SMG1: variants seen among roughly 807,000 people sequenced by gnomAD.
SMG1 encodes SMG1 nonsense mediated mRNA decay associated PI3K related kinase, also known as serine/threonine-protein kinase SMG1.
Under a neutral mutation model 419.9 loss-of-function variants are expected in SMG1, and 22 were observed. The observed-to-expected ratio is 0.05, with a 90% confidence interval of 0.04 to 0.07. SMG1 has a LOEUF of 0.07. SMG1 is among the 10% of genes least tolerant of loss of function. SMG1 has a pLI of 1.00. For synonymous variants in SMG1, 1,538 were observed against 1,553.5 expected, an observed-to-expected ratio of 0.99 and a Z score of 0.23; for missense variants, 3,185 against 4,342.0, an observed-to-expected ratio of 0.73 and a Z score of 7.49.
Position 18,809,447 on chromosome 16 carries a change from C to A in SMG1, c.*122G>T. 1 of 727,180 alleles carries A rather than the reference C, an allele frequency of 1.4e-6. No homozygotes were observed. 45.0% of individuals were successfully genotyped at this position (727,180 alleles called of 1,614,324 possible). A position where few individuals can be genotyped will look rare whatever the true frequency, so the allele number is the denominator to read the frequency against. Reference sequence around the variant, plus strand: ...TAGTGCACCGAGATTTCCTAGGTTTCCTCAGAGTAAGCCCCCAGTTGCATC... The same window carrying A: ...TAGTGCACCGAGATTTCCTAGGTTTACTCAGAGTAAGCCCCCAGTTGCATC... On this transcript the variant is annotated 3_prime_UTR_variant, in exon 63 of 63. Transcript: ENST00000446231.
At chr16:18,812,166 C>T (rs2031472351) in intron 60 of SMG1, 39 bp from the exon 61 acceptor site, 1 of 1,589,510 alleles carries the variant, frequency 6.3e-7, no homozygotes, top group South Asian at 1.2e-5. Context: ...TACATGTAAA[C>T]AGAACATGGA....
chr16:18,868,921 GA>G (rs895845355), intron 20 of SMG1, among the ~76,000 whole-genome samples, 182 bp downstream of exon 20: 16 of 148,966 alleles, frequency 1.1e-4, no homozygotes, highest in South Asian at 2.1e-4. Context: ...AAGTTTTGGG[GA>G]AAAAAAAACA....
chr16:18,882,619 TG>T (rs915034093), intron 9 of SMG1, among the ~76,000 whole-genome samples: 1 of 152,216 alleles, frequency 6.6e-6, no homozygotes, highest in Non-Finnish European at 1.5e-5. Flanking sequence ...CTAGCACATA[TG>T]CTCTAGTTAT....
At chr16:18,884,267 GT>G (rs1280943581) in intron 8 of SMG1, 100 bp from the exon 9 acceptor site, 7 of 557,150 alleles carry the variant, frequency 1.3e-5, no homozygotes, top group Non-Finnish European at 1.9e-5. Context: ...GAGGTATCTG[GT>G]TTTCAAGCAG....
Position 18,815,999 on chromosome 16 carries a change from A to C in SMG1, c.10302+303T>G, listed in dbSNP as rs189353897. 1.4e-4 allele frequency: 66 copies of C among 462,430 alleles called. No homozygotes were observed. The East Asian group carries it at 2.7e-3, about 19-fold the overall frequency. The allele number at this position is 462,430 out of a possible 1,614,324, so 28.6% of individuals were successfully genotyped here. ...GGGTTTGTTGGTATAGCTAAGAAAG[A>C]GAAAGACAAGCTGGATATCTGAATG... On this transcript the variant is annotated intron_variant, in intron 58 of 62. Transcript: ENST00000446231.
At chr16:18,828,350 A>T (rs904821) in intron 54 of SMG1, among the ~76,000 whole-genome samples, 182 bp from the exon 55 acceptor site, 91,534 of 152,066 alleles carry the variant, frequency 0.6, 28,829 homozygotes, top group African/African-American at 0.79. Flanking sequence ...CAGGTGAAAG[A>T]CTTCTTGAGG....
chr16:18,814,980 G>A (rs970700675), intron 60 of SMG1, among the ~76,000 whole-genome samples, 195 bp downstream of exon 60: 2 of 150,530 alleles, frequency 1.3e-5, no homozygotes, highest in African/African-American at 4.9e-5. Context: ...TGGCCTTCAA[G>A]TAGCTGAGAT....
At position 18,848,018 on chromosome 16, in the gene SMG1, G is replaced by C; in HGVS notation, c.5639C>G (p.Thr1880Ser). Residue 1880 changes from threonine to serine, a missense_variant, in exon 37 of 63, where the codon ACT becomes AGT. Thr to Ser is a moderately conservative substitution (Grantham distance 58). Transcript: ENST00000446231. ...ESQASGNKFS[T>S]AIPTLLGNIQ... ...ATTGCCAAGTAAAGTTGGAATTGCAGTGGAAAATTTATTTCCTGTAATGAA... is the reference window on the plus strand; with the variant it reads ...ATTGCCAAGTAAAGTTGGAATTGCACTGGAAAATTTATTTCCTGTAATGAA... 6.2e-7 allele frequency: 1 copy of C among 1,613,626 alleles called. No individual in the cohort carries two copies. Among genetic ancestry groups the C allele is most frequent in the Non-Finnish European group, 8.5e-7 (1 of 1,179,670 alleles).
intron 42 of SMG1, 76 bp from the exon 43 acceptor site, chr16:18,838,765 A>C: frequency 2.1e-6 from 2 of 939,032 alleles, no homozygotes. Context: ...TGATACTATA[A>C]AATTTACAAA....
intron 60 of SMG1, 95 bp from the exon 61 acceptor site, chr16:18,812,222 C>A (rs1040245866): frequency 1.1e-4 from 132 of 1,166,076 alleles, no homozygotes; most frequent in Non-Finnish European, 1.4e-4. Flanking sequence ...GTGGTTGATA[C>A]CCCAATTAAA....
chr16:18,850,684 G>A (rs1043201278), intron 33 of SMG1, among the ~76,000 whole-genome samples: 1 of 152,120 alleles, frequency 6.6e-6, no homozygotes, highest in African/African-American at 2.4e-5. Context: ...ATTTAGCAAA[G>A]ACTAGACTTT....
rs2032730881 is a variant in SMG1, at chr16:18,827,015, C to T, written c.9741+1016G>A. Among the ~76,000 whole-genome samples, 2 of 39,672 alleles carry T rather than the reference C, an allele frequency of 5.0e-5. 1 individual carries two copies. The highest frequency in any genetic ancestry group is 1.5e-3 in the South Asian group (2 of 1,322). 26.0% of individuals were successfully genotyped at this position (39,672 alleles called of 152,430 possible). On this transcript the variant is annotated intron_variant, in intron 55 of 62. Transcript: ENST00000446231. ...GCGTAATATTCGGGTGGGAGTGACCCGATTTTCCAGGTACGTCCGTCACCC... is the reference window on the plus strand; with the variant it reads ...GCGTAATATTCGGGTGGGAGTGACCTGATTTTCCAGGTACGTCCGTCACCC...
chr16:18,853,521 T>G (rs976341327), intron 31 of SMG1, 62 bp downstream of exon 31: 70 of 1,391,604 alleles, frequency 5.0e-5, no homozygotes, highest in Middle Eastern at 2.5e-4. Flanking sequence ...ATTATAAACT[T>G]TAAAACAGAA....
chr16:18,815,532 G>A lies in SMG1; in HGVS notation c.10422C>T (p.Val3474=). ...GACTTCGAACCTGACCCATAGCCTG[G>A]ACTAATGTAAATAGAACTGTTTGAA... ...DNIQTVLFTL[V]QAMGQVRSQE... Residue 3474 remains valine, a synonymous_variant, in exon 59 of 63, where the codon GTC becomes GTT. Coordinates refer to ENST00000446231, the MANE Select transcript of SMG1 (RefSeq NM_015092.5). 4 of 1,613,900 alleles carry A rather than the reference G, an allele frequency of 2.5e-6. No homozygotes were observed. Among genetic ancestry groups the A allele is most frequent in the Non-Finnish European group, 3.4e-6 (4 of 1,179,856 alleles).
chr16:18,902,980 C>A (rs1197080724), intron 1 of SMG1, among the ~76,000 whole-genome samples: 1 of 152,014 alleles, frequency 6.6e-6, no homozygotes, highest in Admixed American at 6.6e-5. Flanking sequence ...CCACGCCCAG[C>A]AACTTTTGTA....
chr16:18,924,776 T>G (rs1254771989), intron 1 of SMG1: 1 of 152,220 alleles, frequency 6.6e-6, no homozygotes, highest in Admixed American at 6.5e-5. Context: ...GCATATTAAA[T>G]AGACTAAGAT....
Position 18,837,368 on chromosome 16 carries a change from T to A in SMG1, c.7489A>T (p.Ser2497Cys). Reference sequence around the variant, plus strand: ...ACATCTGTCAGTTGCTCTTGCAAGCTTAGGTATTCATCTAAGCTACCGTCC... The same window carrying A: ...ACATCTGTCAGTTGCTCTTGCAAGCATAGGTATTCATCTAAGCTACCGTCC... Reference protein sequence around the residue: ...KLDGSLDEYLSLQEQLTDVEK... With the variant: ...KLDGSLDEYLCLQEQLTDVEK... Residue 2497 changes from serine (S) to cysteine (C), a missense_variant, in exon 46 of 63, where the codon AGC becomes TGC. Transcript: ENST00000446231. The A allele has an allele frequency of 6.2e-7, 1 of 1,614,018 alleles. No individual in the cohort carries two copies. The highest frequency in any genetic ancestry group is 8.5e-7 in the Non-Finnish European group (1 of 1,179,882).
chr16:18,907,572 G>A (rs1395150928), intron 1 of SMG1, among the ~76,000 whole-genome samples: 3 of 151,744 alleles, frequency 2.0e-5, no homozygotes, highest in African/African-American at 4.8e-5. Context: ...CTGCTTCGCT[G>A]GGCACAGTGG....
In SMG1 at chr16:18,849,326, G is replaced by A. The variant is rs1202271083; in HGVS notation, c.5514C>T (p.Arg1838=). The stretch of plus-strand genomic sequence containing the variant: ...GGCAGAGAAGGTTACAAATACTTTG[G>A]CGCACATACACTTCAGGGTGGTTTA... The part of the protein sequence containing the change: ...SRLNHPEVYV[R]QSICNLLCRV... The change falls in exon 36 of 63, where the codon CGC becomes CGT. Residue 1838 remains arginine, a synonymous_variant. Coordinates refer to ENST00000446231, the MANE Select transcript of SMG1 (RefSeq NM_015092.5). The A allele has an allele frequency of 6.2e-7, 1 of 1,613,692 alleles. No individual in the cohort carries two copies. Among genetic ancestry groups the A allele is most frequent in the African/African-American group, 1.3e-5 (1 of 74,900 alleles).
Sources: gnomAD v4.1 joint callset for allele counts (sites outside exome capture counted in the v4.1 genomes callset) on GRCh38, gnomAD v4.1.1 for gene constraint, MANE v1.5 for transcripts, NCBI Gene and HGNC (gene_info 2026-07-23, HGNC 2026-07-21) for gene names.